Variants in FHIT observed in about 807,000 individuals in gnomAD.
FHIT encodes the protein bis(5'-adenosyl)-triphosphatase.
A neutral mutation model predicts 17.9 loss-of-function variants in FHIT; 19 were observed. The observed-to-expected ratio is 1.06, with a 90% confidence interval of 0.74 to 1.56. FHIT has a LOEUF of 1.56. FHIT is among the 40% of genes most tolerant of loss of function. FHIT has a pLI of 0.00. For missense variants in FHIT, 248 were observed against 189.2 expected (o/e 1.31, Z -1.82); for synonymous variants, 81 against 69.7 (o/e 1.16, Z -0.81).
At chr3:60,664,407 G>A (rs1221429233) in intron 4 of FHIT, among the ~76,000 whole-genome samples, 1 of 151,838 alleles carries the variant, frequency 6.6e-6, no homozygotes, top group Non-Finnish European at 1.5e-5. Context: ...ATTTACAAAA[G>A]ACATTGAACT....
chr3:60,080,098 C>T (rs1425347628), intron 5 of FHIT, among the ~76,000 whole-genome samples: 2 of 151,930 alleles, frequency 1.3e-5, no homozygotes, highest in East Asian at 1.9e-4. Flanking sequence ...TGTAATGTCC[C>T]ATTACTTGAC....
chr3:61,038,178 G>T (rs1313962204), intron 3 of FHIT, among the ~76,000 whole-genome samples: 1 of 152,220 alleles, frequency 6.6e-6, no homozygotes, highest in Non-Finnish European at 1.5e-5. Context: ...CAAAACCAAT[G>T]ATGAATCTCA....
chr3:61,188,549 A>G (rs778892487), intron 2 of FHIT, among the ~76,000 whole-genome samples: 2 of 152,340 alleles, frequency 1.3e-5, no homozygotes, highest in Admixed American at 6.5e-5. Flanking sequence ...TCCAATCAAT[A>G]GAAAAAGAGG....
rs76392436 is a variant in FHIT, at chr3:60,095,848, T to G, written c.104-81696A>C. On this transcript the variant is annotated intron_variant, in intron 5 of 9. Coordinates refer to ENST00000492590, the MANE Select transcript of FHIT (RefSeq NM_002012.4). ...TAAACTGAATCCAGCAAAAGTTTAT[T>G]GACTTGGTCCAGAATATTACTGAGC... is the stretch of plus-strand genomic sequence containing the variant. Among the ~76,000 whole-genome samples, 43 of 152,324 alleles carry G rather than the reference T, an allele frequency of 2.8e-4. 2 individuals carry two copies. In the East Asian group the frequency reaches 6.6e-3, roughly 23 times the overall value.
chr3:59,962,558 T>A (rs1275029093), intron 7 of FHIT, among the ~76,000 whole-genome samples: 1 of 152,184 alleles, frequency 6.6e-6, no homozygotes, highest in East Asian at 1.9e-4. Context: ...ATTATTGTCC[T>A]AAGCAAAAGG....
rs553781800 is a variant in FHIT, at chr3:60,139,976, G to C, written c.104-125824C>G. On this transcript the variant is annotated intron_variant, in intron 5 of 9. Transcript: ENST00000492590. Reference sequence around the variant, plus strand: ...GTCTCTACTAAAAATACAAAAATTAGCCGGGCATGGTGACACATGCCTATA... The same window carrying C: ...GTCTCTACTAAAAATACAAAAATTACCCGGGCATGGTGACACATGCCTATA... 1.1e-4 allele frequency among the ~76,000 whole-genome samples: 17 copies of C among 152,108 alleles called. No individual in the cohort carries two copies. In the East Asian group the frequency reaches 1.6e-3, roughly 14 times the overall value.
chr3:60,550,445 T>C (rs2036508432), intron 4 of FHIT, among the ~76,000 whole-genome samples: 1 of 152,132 alleles, frequency 6.6e-6, no homozygotes, highest in South Asian at 2.1e-4. Context: ...TTTAGTGAAG[T>C]ATATTAAGTC....
intron 4 of FHIT, among the ~76,000 whole-genome samples, chr3:60,665,025 A>C (rs28448819): frequency 4.0e-5 from 6 of 151,636 alleles, no homozygotes; most frequent in Non-Finnish European, 8.8e-5. Context: ...TCGTTTCTCA[A>C]AATAGGAACT....
intron 5 of FHIT, among the ~76,000 whole-genome samples, chr3:60,018,790 C>T (rs889775141): frequency 2.0e-5 from 3 of 151,812 alleles, no homozygotes; most frequent in African/African-American, 7.3e-5. Context: ...CCAGCCTGGC[C>T]AACGTGGTGA....
intron 5 of FHIT, among the ~76,000 whole-genome samples, chr3:60,302,373 C>T (rs1049811040): frequency 6.6e-6 from 1 of 152,036 alleles, no homozygotes; most frequent in Non-Finnish European, 1.5e-5. Context: ...TACAACAGGC[C>T]TACTCCAACC....
At chr3:60,844,790 T>G (rs1702866059) in intron 3 of FHIT, among the ~76,000 whole-genome samples, 1 of 152,126 alleles carries the variant, frequency 6.6e-6, no homozygotes, top group Non-Finnish European at 1.5e-5. Flanking sequence ...TAATATGAAG[T>G]AAAGAAAATG....
intron 5 of FHIT, among the ~76,000 whole-genome samples, chr3:60,464,179 G>C (rs2032649075): frequency 6.6e-6 from 1 of 152,088 alleles, no homozygotes; most frequent in Admixed American, 6.6e-5. Context: ...TCAAGGAAAA[G>C]AACTAGGTAT....
chr3:61,208,654 T>C (rs1350755178), intron 1 of FHIT, among the ~76,000 whole-genome samples: 3 of 152,046 alleles, frequency 2.0e-5, no homozygotes, highest in Non-Finnish European at 4.4e-5. Context: ...TTTTTTTTTG[T>C]TTTCCATTTG....
chr3:60,822,760 C>T (rs1701971188), intron 3 of FHIT, among the ~76,000 whole-genome samples: 1 of 152,046 alleles, frequency 6.6e-6, no homozygotes. Flanking sequence ...AGTGAAAGCC[C>T]CATGACCCAC....
chr3:61,106,892 C>CTTGT (rs1235859194), intron 2 of FHIT, among the ~76,000 whole-genome samples: 2 of 152,158 alleles, frequency 1.3e-5, no homozygotes, highest in Non-Finnish European at 2.9e-5. Flanking sequence ...AACTCCTGAC[C>CTTGT]TTGTGATCTG....
At chr3:59,925,168 A>C (rs1705595394) in intron 7 of FHIT, among the ~76,000 whole-genome samples, 1 of 151,614 alleles carries the variant, frequency 6.6e-6, no homozygotes, top group African/African-American at 2.4e-5. Flanking sequence ...CAGTGATACA[A>C]TCATAGCTCA....
In FHIT at chr3:60,028,519, T is replaced by C. The variant is rs148447382; in HGVS notation, c.104-14367A>G. Among the ~76,000 whole-genome samples, 592 of 152,330 alleles carry C rather than the reference T, an allele frequency of 3.9e-3. 4 individuals are homozygous for C. Among genetic ancestry groups the C allele is most frequent in the African/African-American group, 0.013 (553 of 41,572 alleles). On this transcript the variant is annotated intron_variant, in intron 5 of 9. Transcript: ENST00000492590. Reference sequence around the variant, plus strand: ...AGTCAGAGGCAGCCAGCAAAGTATGTAGTTTTGTATCCCACTGATCTTCCA... The same window carrying C: ...AGTCAGAGGCAGCCAGCAAAGTATGCAGTTTTGTATCCCACTGATCTTCCA...
Position 60,470,058 on chromosome 3 carries a change from T to TCTCTCTCTCTCTCTC in FHIT, c.103+66801_103+66802insGAGAGAGAGAGAGAG, listed in dbSNP as rs1576711581. Among the ~76,000 whole-genome samples the TCTCTCTCTCTCTCTC allele has an allele frequency of 2.7e-4, 38 of 143,040 alleles. 2 individuals are homozygous for TCTCTCTCTCTCTCTC. The East Asian group carries it at 4.9e-3, about 19-fold the overall frequency. 93.8% of individuals were successfully genotyped at this position (143,040 alleles called of 152,430 possible). A position where few individuals can be genotyped will look rare whatever the true frequency, so the allele number is the denominator to read the frequency against. Reference sequence around the variant, plus strand: ...TCTCTCCCCTCTCCTCTCTCTTTCTTTCTCTCTCTCTCTCTCTCTCTCCAG... The same window carrying TCTCTCTCTCTCTCTC: ...TCTCTCCCCTCTCCTCTCTCTTTCTTCTCTCTCTCTCTCTCTCTCTCTCTCTCTCTCTCTCTCCAG... On this transcript the variant is annotated intron_variant, in intron 5 of 9. Coordinates refer to ENST00000492590, the MANE Select transcript of FHIT (RefSeq NM_002012.4).
At chr3:60,592,431 T>A (rs2038118494) in intron 4 of FHIT, among the ~76,000 whole-genome samples, 1 of 151,984 alleles carries the variant, frequency 6.6e-6, no homozygotes, top group Non-Finnish European at 1.5e-5. Context: ...CATGGTCTAA[T>A]TTGCTCATGT....
Sources: gnomAD v4.1 joint callset for allele counts (sites outside exome capture counted in the v4.1 genomes callset) on GRCh38, gnomAD v4.1.1 for gene constraint, MANE v1.5 for transcripts, NCBI Gene and HGNC (gene_info 2026-07-23, HGNC 2026-07-21) for gene names.